MAGI2: variants seen among roughly 807,000 people sequenced by gnomAD.
MAGI2 encodes membrane associated guanylate kinase, WW and PDZ domain containing 2, also known as membrane-associated guanylate kinase, WW and PDZ domain-containing protein 2.
Under a neutral mutation model 133.3 loss-of-function variants are expected in MAGI2, and 35 were observed. That is an observed-to-expected ratio of 0.26 (90% CI 0.20 to 0.35). MAGI2 has a LOEUF of 0.35. Among genes scored for constraint, MAGI2 ranks in the 10% least tolerant of loss-of-function variants. The probability of loss-of-function intolerance (pLI) is 1.00; values close to 1 mark genes in which losing one functional copy is unlikely to be tolerated. For missense variants in MAGI2, 1,636 were observed against 1,863.4 expected (o/e 0.88, Z 2.25); for synonymous variants, 729 against 710.6 (o/e 1.03, Z -0.41).
chr7:78,754,151 T>C (rs1823721300), intron 2 of MAGI2, among the ~76,000 whole-genome samples: 1 of 151,880 alleles, frequency 6.6e-6, no homozygotes, highest in Non-Finnish European at 1.5e-5. Context: ...CTGAGGCAGG[T>C]GGATCGCTTG....
chr7:78,019,246 A>G lies in MAGI2; in HGVS notation c.*69T>C. 6.5e-7 allele frequency: 1 copy of G among 1,537,740 alleles called. No homozygotes were observed. Among genetic ancestry groups the G allele is most frequent in the Admixed American group, 1.8e-5 (1 of 54,904 alleles). On this transcript the variant is annotated 3_prime_UTR_variant, in exon 22 of 22. Transcript: ENST00000354212. ...CGTGTGACAGTGAAAATAAATTAAA[A>G]CGCCGTGAGACGGAACCTAAGAAGA... is the stretch of plus-strand genomic sequence containing the variant.
intron 2 of MAGI2, among the ~76,000 whole-genome samples, chr7:78,761,217 T>C (rs1824472108): frequency 6.6e-6 from 1 of 152,216 alleles, no homozygotes; most frequent in African/African-American, 2.4e-5. Flanking sequence ...TAACTTGTAG[T>C]AAGCGTCATT....
At chr7:79,249,636 C>T (rs1017983213) in intron 1 of MAGI2, among the ~76,000 whole-genome samples, 2 of 151,974 alleles carry the variant, frequency 1.3e-5, no homozygotes, top group Non-Finnish European at 2.9e-5. Flanking sequence ...TAACAAGTAA[C>T]AAGATTGAAG....
At chr7:78,756,122 A>G (rs571455857) in intron 2 of MAGI2, among the ~76,000 whole-genome samples, 1 of 151,374 alleles carries the variant, frequency 6.6e-6, no homozygotes, top group Admixed American at 6.6e-5. Flanking sequence ...CAAGATATAT[A>G]TCAGGTGGTG....
chr7:78,980,168 GTT>G (rs974459858), intron 2 of MAGI2, among the ~76,000 whole-genome samples: 3 of 147,604 alleles, frequency 2.0e-5, no homozygotes, highest in Non-Finnish European at 4.5e-5. Flanking sequence ...TCTGTTCTTT[GTT>G]TTTTTTTTCT....
At chr7:78,327,651 T>C (rs1050758694) in intron 9 of MAGI2, among the ~76,000 whole-genome samples, 1 of 152,206 alleles carries the variant, frequency 6.6e-6, no homozygotes, top group Non-Finnish European at 1.5e-5. Context: ...TTTTGGGTCC[T>C]GGAGTCAATT....
At chr7:79,167,148 C>T (rs764856543) in intron 1 of MAGI2, among the ~76,000 whole-genome samples, 3 of 60,286 alleles carry the variant, frequency 5.0e-5, no homozygotes, top group African/African-American at 2.0e-4. Flanking sequence ...TTTATAGGGT[C>T]TTTGTTTATA....
intron 1 of MAGI2, among the ~76,000 whole-genome samples, chr7:79,321,443 C>T (rs988722332): frequency 7.3e-6 from 1 of 137,202 alleles, no homozygotes; most frequent in Non-Finnish European, 1.6e-5. Flanking sequence ...ATAAAACTTG[C>T]TGATTCCCTC....
intron 1 of MAGI2, among the ~76,000 whole-genome samples, chr7:79,378,937 T>TATATATAC (rs1843573949): frequency 2.3e-5 from 1 of 42,708 alleles, no homozygotes; most frequent in East Asian, 1.2e-3. Flanking sequence ...TATATATATA[T>TATATATAC]ATATATATAT....
At chr7:79,192,782 T>G (rs1298823540) in intron 1 of MAGI2, among the ~76,000 whole-genome samples, 1 of 151,872 alleles carries the variant, frequency 6.6e-6, no homozygotes, top group Admixed American at 6.6e-5. Context: ...TTATTCCAAC[T>G]GAAATGGGTA....
chr7:79,082,636 A>T (rs1816141319), intron 1 of MAGI2, among the ~76,000 whole-genome samples: 1 of 152,072 alleles, frequency 6.6e-6, no homozygotes, highest in Non-Finnish European at 1.5e-5. Context: ...ATTGGAATTT[A>T]TAAGCTCTGC....
At position 78,160,047 on chromosome 7, in the gene MAGI2, C is replaced by A; in HGVS notation, c.2823G>T (p.Arg941Ser). Residue 941 changes from arginine to serine, a missense_variant, in exon 16 of 22, where the codon AGG (arginine) becomes AGT (serine). Transcript: ENST00000354212. Reference sequence around the variant, plus strand: ...TACTTATAGTGGATCCAGACTCAGGCCTGTTCAGGGAGCTGATGATGACAA... The same window carrying A: ...TACTTATAGTGGATCCAGACTCAGGACTGTTCAGGGAGCTGATGATGACAA... ...FGFVIISSLN[R>S]PESGSTITVP... 1.3e-6 allele frequency: 2 copies of A among 1,588,562 alleles called. No homozygotes were observed. The highest frequency in any genetic ancestry group is 2.3e-5 in the South Asian group (2 of 86,502).
At chr7:78,823,951 ACT>A (rs1790396826) in intron 2 of MAGI2, among the ~76,000 whole-genome samples, 1 of 151,366 alleles carries the variant, frequency 6.6e-6, no homozygotes, top group Non-Finnish European at 1.5e-5. Flanking sequence ...CATTGTCAAT[ACT>A]GCTTTAATAC....
chr7:79,015,692 G>C (rs1374721779), intron 1 of MAGI2, among the ~76,000 whole-genome samples: 1 of 152,082 alleles, frequency 6.6e-6, no homozygotes, highest in East Asian at 1.9e-4. Flanking sequence ...ATGCAGAATG[G>C]TTTTTACTGT....
intron 9 of MAGI2, among the ~76,000 whole-genome samples, chr7:78,303,297 C>G (rs570006408): frequency 6.9e-6 from 1 of 144,740 alleles, no homozygotes; most frequent in Non-Finnish European, 1.5e-5. Flanking sequence ...GAGAATCTCT[C>G]GAACCTGGGA....
intron 2 of MAGI2, among the ~76,000 whole-genome samples, chr7:78,632,258 A>T (rs1409522386): frequency 6.6e-6 from 1 of 152,260 alleles, no homozygotes; most frequent in Non-Finnish European, 1.5e-5. Flanking sequence ...AAAGTTATAT[A>T]GTATGCTATA....
intron 2 of MAGI2, among the ~76,000 whole-genome samples, chr7:78,971,965 A>C (rs557409415): frequency 6.6e-6 from 1 of 151,950 alleles, no homozygotes; most frequent in Non-Finnish European, 1.5e-5. Context: ...AATATTAAGT[A>C]CTACTTTTTT....
intron 2 of MAGI2, among the ~76,000 whole-genome samples, chr7:78,931,071 G>T (rs1041482648): frequency 2.0e-5 from 3 of 152,098 alleles, no homozygotes; most frequent in Non-Finnish European, 4.4e-5. Context: ...TGACAGATTA[G>T]TTGGGAGGAA....
chr7:78,688,702 T>C (rs1336180880), intron 2 of MAGI2, among the ~76,000 whole-genome samples: 1 of 152,098 alleles, frequency 6.6e-6, no homozygotes, highest in Admixed American at 6.5e-5. Context: ...TCCTTTGAAG[T>C]GAGAGGTGAA....
Sources: gnomAD v4.1 joint callset for allele counts (sites outside exome capture counted in the v4.1 genomes callset) on GRCh38, gnomAD v4.1.1 for gene constraint, MANE v1.5 for transcripts, NCBI Gene and HGNC (gene_info 2026-07-23, HGNC 2026-07-21) for gene names.